Variants in TRAPPC12 observed in about 807,000 individuals in gnomAD.
The protein encoded by TRAPPC12 is TPR repeat protein 15.
TRAPPC12 carries 61 observed loss-of-function variants against 69.2 expected under a neutral mutation model. The ratio of observed to expected loss-of-function variants is 0.88; its 90% CI spans 0.72 to 1.09. The LOEUF is 1.09. TRAPPC12 is among the 50% of genes least tolerant of loss of function. The probability of loss-of-function intolerance (pLI) is 0.00; values close to 1 mark genes in which losing one functional copy is unlikely to be tolerated. For synonymous variants in TRAPPC12, 469 were observed against 438.9 expected, an observed-to-expected ratio of 1.07 and a Z score of -0.86; for missense variants, 1,101 against 1,016.4, an observed-to-expected ratio of 1.08 and a Z score of -1.13.
rs756752332 is a variant in TRAPPC12 at position 3,388,533 on chromosome 2, G to A, written c.910G>A (p.Asp304Asn). Reference sequence around the variant, plus strand: ...CACCGCCCTGAGCATGAGCGAGATGGACCGGAGGAACGACGCCTGGCTTCC... The same window carrying A: ...CACCGCCCTGAGCATGAGCGAGATGAACCGGAGGAACGACGCCTGGCTTCC... The part of the protein sequence containing the change: ...FATALSMSEM[D>N]RRNDAWLPGE... The change falls in exon 2 of 12, where the codon GAC becomes AAC. Residue 304 changes from aspartate to asparagine, a missense_variant. Asp to Asn is a conservative substitution (Grantham distance 23). Transcript: ENST00000324266. 11 of 1,613,010 alleles carry A rather than the reference G, an allele frequency of 6.8e-6. No homozygotes were observed. The highest frequency in any genetic ancestry group is 3.3e-5 in the Admixed American group (2 of 59,984).
intron 3 of TRAPPC12, among the ~76,000 whole-genome samples, chr2:3,403,385 A>C (rs1240924178): frequency 2.0e-5 from 3 of 151,978 alleles, no homozygotes; most frequent in Admixed American, 6.6e-5. Context: ...GGCGTGCACC[A>C]CCACACCCGG....
At chr2:3,403,558 A>C (rs553769084) in intron 3 of TRAPPC12, among the ~76,000 whole-genome samples, 29 of 152,352 alleles carry the variant, frequency 1.9e-4, no homozygotes, top group Admixed American at 1.2e-3. Context: ...AGCAAACTTT[A>C]GTTCCTAAAG....
At chr2:3,448,041 C>T (rs962285652) in intron 6 of TRAPPC12, among the ~76,000 whole-genome samples, 10 of 152,264 alleles carry the variant, frequency 6.6e-5, no homozygotes, top group Non-Finnish European at 8.8e-5. Flanking sequence ...TGTCCCAGCA[C>T]TGAGGTGCAG....
intron 5 of TRAPPC12, among the ~76,000 whole-genome samples, chr2:3,425,863 G>T (rs1663073142): frequency 6.6e-6 from 1 of 152,196 alleles, no homozygotes; most frequent in African/African-American, 2.4e-5. Context: ...GAACTTGGTT[G>T]ATACTAGTAG....
chr2:3,464,653 GC>G (rs1414051083), intron 8 of TRAPPC12, among the ~76,000 whole-genome samples: 1 of 152,254 alleles, frequency 6.6e-6, no homozygotes, highest in African/African-American at 2.4e-5. Flanking sequence ...CTCAATAAAT[GC>G]GGCGATCACT....
intron 9 of TRAPPC12, among the ~76,000 whole-genome samples, chr2:3,468,216 C>G (rs1665908983): frequency 1.3e-5 from 2 of 151,954 alleles, no homozygotes; most frequent in African/African-American, 4.8e-5. Context: ...CAAACCCTGC[C>G]CATTCTTGAG....
intron 7 of TRAPPC12, among the ~76,000 whole-genome samples, chr2:3,459,679 C>G (rs997713646): frequency 2.0e-5 from 3 of 152,220 alleles, no homozygotes; most frequent in Non-Finnish European, 4.4e-5. Context: ...GGGAAGGAAG[C>G]CAGCTGCAGG....
chr2:3,398,324 A>G (rs115483749), intron 2 of TRAPPC12, among the ~76,000 whole-genome samples: 2,671 of 152,244 alleles, frequency 0.018, 98 homozygotes, highest in African/African-American at 0.061. Context: ...CTCCCCACCA[A>G]TGATGTGGTG....
chr2:3,401,496 G>A (rs1033853887), intron 2 of TRAPPC12, among the ~76,000 whole-genome samples: 1 of 152,182 alleles, frequency 6.6e-6, no homozygotes, highest in Non-Finnish European at 1.5e-5. Context: ...AGGACTTACC[G>A]TTTCCTCTTC....
chr2:3,477,249 G>C (rs897327036), intron 9 of TRAPPC12, among the ~76,000 whole-genome samples: 3 of 152,120 alleles, frequency 2.0e-5, no homozygotes, highest in Non-Finnish European at 4.4e-5. Flanking sequence ...TATATTATTT[G>C]GTCAAAATAT....
chr2:3,407,819 A>T (rs1661814295), intron 3 of TRAPPC12, among the ~76,000 whole-genome samples: 2 of 152,136 alleles, frequency 1.3e-5, no homozygotes, highest in Admixed American at 1.3e-4. Context: ...AAAGAAAAAG[A>T]AAATGGAGGA....
intron 1 of TRAPPC12, among the ~76,000 whole-genome samples, chr2:3,382,959 A>G (rs1239177317): frequency 6.6e-6 from 1 of 152,170 alleles, no homozygotes; most frequent in Non-Finnish European, 1.5e-5. Context: ...AATAGAAATA[A>G]CTTAAACCAT....
At chr2:3,436,231 GA>G (rs552840605) in intron 5 of TRAPPC12, among the ~76,000 whole-genome samples, 9 of 151,878 alleles carry the variant, frequency 5.9e-5, no homozygotes, top group South Asian at 2.1e-4. Context: ...GTATTTCTGA[GA>G]AAAAAAATAC....
At chr2:3,447,715 C>G (rs1664590174) in intron 6 of TRAPPC12, among the ~76,000 whole-genome samples, 1 of 152,142 alleles carries the variant, frequency 6.6e-6, no homozygotes, top group Non-Finnish European at 1.5e-5. Context: ...ATACTAAAAG[C>G]CAGCCCACCA....
rs1558387614 is a variant in TRAPPC12, at chr2:3,443,841, CCA to C, written c.1483_1484del (p.Gln495GlyfsTer5). The C allele has an allele frequency of 6.2e-7, 1 of 1,614,130 alleles. No individual in the cohort carries two copies. Among genetic ancestry groups the C allele is most frequent in the Admixed American group, 1.7e-5 (1 of 60,022 alleles). On this transcript the variant is annotated frameshift_variant, in exon 6 of 12. Transcript: ENST00000324266. LOFTEE classifies it high-confidence loss of function. ...HAELQQYLGN[P>X]QESLDRLHKV... is the part of the protein sequence containing the mutation. ...GGAGCTTCAGCAGTACCTGGGGAAC[CCA>C]CAGGAGTCGCTGGATAGACTGCACA...
chr2:3,445,697 A>C (rs1016910169), intron 6 of TRAPPC12, among the ~76,000 whole-genome samples: 2 of 152,246 alleles, frequency 1.3e-5, no homozygotes, highest in Non-Finnish European at 2.9e-5. Flanking sequence ...GTTGAACCCA[A>C]GTCATCTGGC....
chr2:3,423,588 C>T (rs1662940784), intron 4 of TRAPPC12, among the ~76,000 whole-genome samples: 1 of 148,088 alleles, frequency 6.8e-6, no homozygotes, highest in Non-Finnish European at 1.5e-5. Flanking sequence ...TAAGTGAGGT[C>T]ACACGGTGTT....
intron 3 of TRAPPC12, among the ~76,000 whole-genome samples, chr2:3,402,387 C>T (rs1291715695): frequency 6.6e-6 from 1 of 152,146 alleles, no homozygotes; most frequent in African/African-American, 2.4e-5. Flanking sequence ...GTCAGGAGTT[C>T]AAGACCAGCC....
rs140502271 is a variant in TRAPPC12, at chr2:3,424,670, C to A, written c.1417+7C>A. 2 of 1,584,874 alleles carry A rather than the reference C, an allele frequency of 1.3e-6. No individual in the cohort carries two copies. The highest frequency in any genetic ancestry group is 2.7e-5 in the African/African-American group (2 of 73,396). On this transcript the variant is annotated splice_region_variant and intron_variant, in intron 5 of 11. Transcript: ENST00000324266. ...GTGTACCCTGGGCGCAGGGGTAAGG[C>A]CATGGTATTTAATATTTGTACATTT...
Sources: gnomAD v4.1 joint callset for allele counts (sites outside exome capture counted in the v4.1 genomes callset) on GRCh38, gnomAD v4.1.1 for gene constraint, MANE v1.5 for transcripts, NCBI Gene and HGNC (gene_info 2026-07-23, HGNC 2026-07-21) for gene names.